The following NUMB variants were observed in gnomAD, a reference collection of about 807,000 sequenced individuals.
NUMB encodes the protein NUMB endocytic adaptor protein.
A neutral mutation model predicts 59.7 loss-of-function variants in NUMB; 29 were observed. The observed-to-expected ratio is 0.49, with a 90% CI of 0.36 to 0.66. NUMB has a LOEUF of 0.66. Among genes scored for constraint, NUMB ranks in the 30% least tolerant of loss-of-function variants. NUMB has a pLI of 0.00. For missense variants in NUMB, 723 were observed against 822.0 expected, an observed-to-expected ratio of 0.88 and a Z score of 1.47; for synonymous variants, 288 against 288.2, an observed-to-expected ratio of 1.00 and a Z score of 0.01.
chr14:73,350,553 T>A (rs1202908802), intron 4 of NUMB, among the ~76,000 whole-genome samples: 1 of 151,900 alleles, frequency 6.6e-6, no homozygotes, highest in Non-Finnish European at 1.5e-5. Context: ...CTACTTTTTT[T>A]TCTTTTTTTT....
intron 1 of NUMB, among the ~76,000 whole-genome samples, chr14:73,429,448 G>A (rs765432147): frequency 4.6e-5 from 7 of 152,138 alleles, no homozygotes; most frequent in Admixed American, 1.3e-4. Flanking sequence ...CACACAGTAT[G>A]TGGCCTTTTA....
chr14:73,348,714 C>T (rs1033791762), intron 4 of NUMB, among the ~76,000 whole-genome samples: 2 of 152,190 alleles, frequency 1.3e-5, no homozygotes, highest in African/African-American at 2.4e-5. Flanking sequence ...GTCTCTGGTG[C>T]CAAAAAGGCT....
intron 6 of NUMB, among the ~76,000 whole-genome samples, chr14:73,302,011 A>C (rs11625614): frequency 0.25 from 37,601 of 152,004 alleles, 5,489 homozygotes; most frequent in East Asian, 0.67. Context: ...TGAACCTGGG[A>C]GGCAGAGGTT....
At chr14:73,447,149 C>A (rs1264164797) in intron 1 of NUMB, among the ~76,000 whole-genome samples, 1 of 145,684 alleles carries the variant, frequency 6.9e-6, no homozygotes, top group African/African-American at 2.6e-5. Flanking sequence ...ATTGTGCCAC[C>A]GCACTCCAGC....
At chr14:73,395,040 TGTG>T (rs1896059250) in intron 2 of NUMB, among the ~76,000 whole-genome samples, 1 of 69,726 alleles carries the variant, frequency 1.4e-5, no homozygotes, top group African/African-American at 1.3e-4. Context: ...CGTGTGTTTG[TGTG>T]TGTGTGTGTG....
chr14:73,419,960 G>A (rs907142717), intron 1 of NUMB, among the ~76,000 whole-genome samples: 1 of 152,170 alleles, frequency 6.6e-6, no homozygotes, highest in Non-Finnish European at 1.5e-5. Context: ...CTGCCTCCCA[G>A]GTTCAAATGA....
At position 73,429,695 on chromosome 14, in the gene NUMB, C is replaced by G. The variant is rs543244170; in HGVS notation, c.-232-19627G>C. ...CTGTAGCTCACACCTGTAATCCCAGCACTTTGGGAGGCTGAGGCAGGCAGA... is the reference window on the plus strand; with the variant it reads ...CTGTAGCTCACACCTGTAATCCCAGGACTTTGGGAGGCTGAGGCAGGCAGA... On this transcript the variant is annotated intron_variant, in intron 1 of 12. Transcript: ENST00000555238. 2.0e-5 allele frequency among the ~76,000 whole-genome samples: 3 copies of G among 152,224 alleles called. No homozygotes were observed. The South Asian group carries it at 6.2e-4, about 32-fold the overall frequency.
intron 1 of NUMB, among the ~76,000 whole-genome samples, chr14:73,445,903 T>C (rs1883466440): frequency 6.6e-6 from 1 of 152,138 alleles, no homozygotes; most frequent in Non-Finnish European, 1.5e-5. Flanking sequence ...AGTACATTTA[T>C]GTAAATCAGA....
At chr14:73,344,010 T>C (rs772909817) in intron 4 of NUMB, among the ~76,000 whole-genome samples, 12 of 152,204 alleles carry the variant, frequency 7.9e-5, no homozygotes, top group Non-Finnish European at 1.0e-4. Flanking sequence ...TAATATCTTA[T>C]GGTATTTCTT....
At chr14:73,301,346 A>T (rs1485449020) in intron 6 of NUMB, among the ~76,000 whole-genome samples, 1 of 152,250 alleles carries the variant, frequency 6.6e-6, no homozygotes, top group Non-Finnish European at 1.5e-5. Context: ...AGACTGAAGA[A>T]GGGAAAAATA....
chr14:73,414,017 C>T (rs1017155197), intron 1 of NUMB, among the ~76,000 whole-genome samples: 9 of 150,436 alleles, frequency 6.0e-5, no homozygotes, highest in African/African-American at 1.7e-4. Flanking sequence ...TGCAGTGGCA[C>T]GATCTCAGCT....
intron 4 of NUMB, among the ~76,000 whole-genome samples, chr14:73,333,809 A>G (rs1475949977): frequency 6.6e-6 from 1 of 151,532 alleles, no homozygotes; most frequent in Non-Finnish European, 1.5e-5. Context: ...TGCCAGATCC[A>G]AAGTTGTTAA....
chr14:73,321,540 G>A (rs551025262), intron 5 of NUMB, among the ~76,000 whole-genome samples: 4 of 152,100 alleles, frequency 2.6e-5, no homozygotes, highest in South Asian at 2.1e-4. Context: ...AGATAAACCC[G>A]GAATTATTTT....
chr14:73,366,479 G>A (rs1894350296), intron 3 of NUMB, among the ~76,000 whole-genome samples: 1 of 152,124 alleles, frequency 6.6e-6, no homozygotes, highest in African/African-American at 2.4e-5. Context: ...TGCTTACTGT[G>A]TGCCAGGCAT....
At chr14:73,327,053 A>G (rs1891698591) in intron 4 of NUMB, among the ~76,000 whole-genome samples, 1 of 152,064 alleles carries the variant, frequency 6.6e-6, no homozygotes, top group African/African-American at 2.4e-5. Flanking sequence ...GGAAATTTAA[A>G]AAAAAAACAG....
intron 8 of NUMB, among the ~76,000 whole-genome samples, chr14:73,289,049 C>T (rs1470157428): frequency 2.0e-5 from 3 of 152,038 alleles, no homozygotes; most frequent in African/African-American, 7.2e-5. Flanking sequence ...ACAAACAAAA[C>T]TAACAATGAG....
intron 2 of NUMB, among the ~76,000 whole-genome samples, chr14:73,383,086 C>T (rs544374776): frequency 2.1e-3 from 320 of 152,320 alleles, no homozygotes; most frequent in Admixed American, 8.1e-3. Context: ...GCAGAGGTTG[C>T]AGTGAGCTGA....
At chr14:73,431,327 C>CT (rs1289177070) in intron 1 of NUMB, among the ~76,000 whole-genome samples, 6 of 150,876 alleles carry the variant, frequency 4.0e-5, no homozygotes, top group Non-Finnish European at 7.4e-5. Flanking sequence ...GCGATCTCGG[C>CT]TCACTGCAAC....
At chr14:73,401,924 C>G (rs1046887177) in intron 2 of NUMB, among the ~76,000 whole-genome samples, 3 of 152,050 alleles carry the variant, frequency 2.0e-5, no homozygotes, top group Non-Finnish European at 4.4e-5. Flanking sequence ...CAGTGGGGTA[C>G]AATCAGAGCT....
Sources: gnomAD v4.1 joint callset for allele counts (sites outside exome capture counted in the v4.1 genomes callset) on GRCh38, gnomAD v4.1.1 for gene constraint, MANE v1.5 for transcripts, NCBI Gene and HGNC (gene_info 2026-07-23, HGNC 2026-07-21) for gene names.